The following DPH3 variants were observed in gnomAD, a reference collection of about 807,000 sequenced individuals.
DPH3 encodes diphthamide biosynthesis 3.
A neutral mutation model predicts 10.2 loss-of-function variants in DPH3; 8 were observed. The observed-to-expected ratio is 0.79, with a 90% CI of 0.46 to 1.42. The LOEUF (loss-of-function observed/expected upper bound fraction) is 1.42, where lower values mean the gene tolerates loss of function less well. DPH3 is among the 40% of genes most tolerant of loss of function. DPH3 has a pLI of 0.00. For synonymous variants in DPH3, 35 were observed against 35.6 expected (o/e 0.98, Z 0.06); for missense variants, 96 against 98.9 (o/e 0.97, Z 0.12).
In DPH3 at chr3:16,257,968, T is replaced by C. The variant is rs891718277; in HGVS notation, c.*2796A>G. 5.9e-5 allele frequency: 9 copies of C among 152,198 alleles called. No homozygotes were observed. Among genetic ancestry groups the C allele is most frequent in the African/African-American group, 2.2e-4 (9 of 41,460 alleles). The allele number at this position is 152,198 out of a possible 1,614,324, so 9.4% of individuals were successfully genotyped here. The stretch of plus-strand genomic sequence containing the variant: ...GTTGACATTTAGAAGAAAAACTACA[T>C]AAAAGCAAATGGATTTGAATTATCT... On this transcript the variant is annotated 3_prime_UTR_variant, in exon 3 of 3. Transcript: ENST00000488423.
chr3:16,264,457 C>T, intron 1 of DPH3: 1 of 552,382 alleles, frequency 1.8e-6, no homozygotes, highest in Non-Finnish European at 3.2e-6. Flanking sequence ...CCCCAAAAGC[C>T]CTGGGAAACA....
Position 16,260,847 on chromosome 3 carries a change from A to G in DPH3, c.184-18T>C. On this transcript the variant is annotated intron_variant, in intron 2 of 2. Transcript: ENST00000488423. ...AACTGATCCTAAGACAGAGTGAGAA[A>G]TGACATTAACCAATGAATTTCCGGT... The G allele has an allele frequency of 1.2e-6, 2 of 1,610,472 alleles. No homozygotes were observed. Among genetic ancestry groups the G allele is most frequent in the South Asian group, 1.1e-5 (1 of 90,672 alleles).
Position 16,257,723 on chromosome 3 carries a change from T to C in DPH3, c.*3041A>G. Among the ~76,000 whole-genome samples the C allele has an allele frequency of 6.6e-6, 1 of 152,256 alleles. No individual in the cohort carries two copies. The highest frequency in any genetic ancestry group is 1.9e-4 in the East Asian group (1 of 5,200). On this transcript the variant is annotated 3_prime_UTR_variant, in exon 3 of 3. Coordinates refer to ENST00000488423, the MANE Select transcript of DPH3 (RefSeq NM_206831.3). The stretch of plus-strand genomic sequence containing the variant: ...TTAAACAATCAGTTTTCTTTCCTTG[T>C]AATAAACTGAGTTACTCATCTAAGA...
Position 16,260,057 on chromosome 3 carries a change from G to GTCCTGACTTCCAAGA in DPH3, c.*706_*707insTCTTGGAAGTCAGGA, listed in dbSNP as rs2064282713. The GTCCTGACTTCCAAGA allele has an allele frequency of 1.3e-5, 2 of 152,072 alleles. No individual in the cohort carries two copies. Among genetic ancestry groups the GTCCTGACTTCCAAGA allele is most frequent in the Non-Finnish European group, 2.9e-5 (2 of 68,002 alleles). 9.4% of individuals were successfully genotyped at this position (152,072 alleles called of 1,614,324 possible). ...TTTTCATCTTGTCCTGACTTCCAAG[G>GTCCTGACTTCCAAGA]AATATGCAGAATATAAGAAAAGTCC... On this transcript the variant is annotated 3_prime_UTR_variant, in exon 3 of 3. Coordinates refer to ENST00000488423, the MANE Select transcript of DPH3 (RefSeq NM_206831.3).
Position 16,260,582 on chromosome 3 carries a change from C to A in DPH3, c.*182G>T. On this transcript the variant is annotated 3_prime_UTR_variant, in exon 3 of 3. Coordinates refer to ENST00000488423, the MANE Select transcript of DPH3 (RefSeq NM_206831.3). ...AATTTAAGGTTCTAAGCACAAAATC[C>A]AGATATGTCATGTTATGGACTTGCT... 1 of 496,098 alleles carries A rather than the reference C, an allele frequency of 2.0e-6. No homozygotes were observed. Among genetic ancestry groups the A allele is most frequent in the Non-Finnish European group, 3.7e-6 (1 of 272,106 alleles). The allele number at this position is 496,098 out of a possible 1,614,324, so 30.7% of individuals were successfully genotyped here.
rs1362023771 is a variant in DPH3, at chr3:16,261,528, C to G, written c.184-699G>C. Reference sequence around the variant, plus strand: ...CCTCTTTCTCAAAATGTCCTTTTATCCCCAAGAGCACTGGTAATATCTGGA... The same window carrying G: ...CCTCTTTCTCAAAATGTCCTTTTATGCCCAAGAGCACTGGTAATATCTGGA... On this transcript the variant is annotated intron_variant, in intron 2 of 2. Coordinates refer to ENST00000488423, the MANE Select transcript of DPH3 (RefSeq NM_206831.3). The surrounding 1 kb of genome is among the most constrained non-coding windows in gnomAD (Gnocchi z 7.1). Among the ~76,000 whole-genome samples, 3 of 152,174 alleles carry G rather than the reference C, an allele frequency of 2.0e-5. No individual in the cohort carries two copies. The highest frequency in any genetic ancestry group is 7.2e-5 in the African/African-American group (3 of 41,418).
rs909040957 is a variant in DPH3 at position 16,259,000 on chromosome 3, T to C, written c.*1764A>G. Reference sequence around the variant, plus strand: ...AACTTTTCTTCCTGTTCTTCTATGTTCTTAGCAAACCCACATCAAGGGTGT... The same window carrying C: ...AACTTTTCTTCCTGTTCTTCTATGTCCTTAGCAAACCCACATCAAGGGTGT... On this transcript the variant is annotated 3_prime_UTR_variant, in exon 3 of 3. Coordinates refer to ENST00000488423, the MANE Select transcript of DPH3 (RefSeq NM_206831.3). 1.3e-5 allele frequency: 2 copies of C among 152,204 alleles called. No individual in the cohort carries two copies. Among genetic ancestry groups the C allele is most frequent in the Non-Finnish European group, 2.9e-5 (2 of 68,036 alleles). 9.4% of individuals were successfully genotyped at this position (152,204 alleles called of 1,614,324 possible). A position where few individuals can be genotyped will look rare whatever the true frequency, so the allele number is the denominator to read the frequency against.
chr3:16,264,740 T>C, intron 1 of DPH3, 29 bp downstream of exon 1: 1 of 1,610,294 alleles, frequency 6.2e-7, no homozygotes, highest in East Asian at 2.2e-5. Flanking sequence ...CTTGCTTGGG[T>C]GAACCGCCGG....
At position 16,262,033 on chromosome 3, in the gene DPH3, C is replaced by G; in HGVS notation, c.184-1204G>C. ...TTCAAACTCCATGGTCAGTTATAAC[C>G]ACTCTTCTCTCACTCCTTACTATTC... On this transcript the variant is annotated intron_variant, in intron 2 of 2. Transcript: ENST00000488423. This position sits in a 1 kb window ranked among gnomAD's most constrained non-coding sequence, Gnocchi z 4.7. Among the ~76,000 whole-genome samples the G allele has an allele frequency of 6.6e-6, 1 of 152,084 alleles. No homozygotes were observed. Among genetic ancestry groups the G allele is most frequent in the East Asian group, 1.9e-4 (1 of 5,198 alleles).
At position 16,258,587 on chromosome 3, in the gene DPH3, A is replaced by G. The variant is rs2064270084; in HGVS notation, c.*2177T>C. 1 of 152,192 alleles carries G rather than the reference A, an allele frequency of 6.6e-6. No homozygotes were observed. The highest frequency in any genetic ancestry group is 1.5e-5 in the Non-Finnish European group (1 of 68,062). 9.4% of individuals were successfully genotyped at this position (152,192 alleles called of 1,614,324 possible). On this transcript the variant is annotated 3_prime_UTR_variant, in exon 3 of 3. Coordinates refer to ENST00000488423, the MANE Select transcript of DPH3 (RefSeq NM_206831.3). Reference sequence around the variant, plus strand: ...CCACAGCCTCAAACTCCTGGGCCCAAGCAATTTGCTCAAGGCCCCACACCT... The same window carrying G: ...CCACAGCCTCAAACTCCTGGGCCCAGGCAATTTGCTCAAGGCCCCACACCT...
rs2064297902 is a variant in DPH3, at chr3:16,262,380, G to A, written c.184-1551C>T. ...TAAAGCTAATGGTTAATTCTTGATT[G>A]CTTCCTATCAGTGTCACGTGACAAG... On this transcript the variant is annotated intron_variant, in intron 2 of 2. Coordinates refer to ENST00000488423, the MANE Select transcript of DPH3 (RefSeq NM_206831.3). The surrounding 1 kb of genome is among the most constrained non-coding windows in gnomAD (Gnocchi z 4.7). 6.6e-6 allele frequency among the ~76,000 whole-genome samples: 1 copy of A among 152,158 alleles called. No individual in the cohort carries two copies. The highest frequency in any genetic ancestry group is 2.4e-5 in the African/African-American group (1 of 41,438).
At chr3:16,260,888 A>G in intron 2 of DPH3, 59 bp from the exon 3 acceptor site, 2 of 1,454,852 alleles carry the variant, frequency 1.4e-6, no homozygotes, top group South Asian at 2.4e-5. Flanking sequence ...ATACATTAAT[A>G]TTAAACCTTC....
At position 16,260,697 on chromosome 3, in the gene DPH3, C is replaced by A; in HGVS notation, c.*67G>T. 7.1e-7 allele frequency: 1 copy of A among 1,413,598 alleles called. No homozygotes were observed. The highest frequency in any genetic ancestry group is 9.9e-7 in the Non-Finnish European group (1 of 1,008,584). 87.6% of individuals were successfully genotyped at this position (1,413,598 alleles called of 1,614,324 possible). A position where few individuals can be genotyped will look rare whatever the true frequency, so the allele number is the denominator to read the frequency against. On this transcript the variant is annotated 3_prime_UTR_variant, in exon 3 of 3. Coordinates refer to ENST00000488423, the MANE Select transcript of DPH3 (RefSeq NM_206831.3). ...ATGGTTGTCTCTGTGAAGCCAGTAG[C>A]TTTGCATTCGATATTTCTATCTGGG...
rs1455872498 is a variant in DPH3 at position 16,264,434 on chromosome 3, C to A, written c.109-205G>T. The A allele has an allele frequency of 1.6e-5, 9 of 546,172 alleles. No homozygotes were observed. In the Admixed American group the frequency reaches 2.3e-4, roughly 14 times the overall value. 33.8% of individuals were successfully genotyped at this position (546,172 alleles called of 1,614,324 possible). A position where few individuals can be genotyped will look rare whatever the true frequency, so the allele number is the denominator to read the frequency against. On this transcript the variant is annotated intron_variant, in intron 1 of 2. Coordinates refer to ENST00000488423, the MANE Select transcript of DPH3 (RefSeq NM_206831.3). ...AGGGGAAACACCTAGGAAGGTCAGG[C>A]GAGCTTCGGTCGCCCCAAAAGCCCT...
chr3:16,260,916 A>G, intron 2 of DPH3, 87 bp from the exon 3 acceptor site: 2 of 1,163,710 alleles, frequency 1.7e-6, no homozygotes, highest in South Asian at 1.4e-5. Context: ...TACAGCATCA[A>G]TCCAGCGCTG....
rs775003955 is a variant in DPH3, at chr3:16,264,828, C to T, written c.49G>A (p.Glu17Lys). The T allele has an allele frequency of 6.8e-6, 11 of 1,614,088 alleles. No homozygotes were observed. The highest frequency in any genetic ancestry group is 2.2e-5 in the South Asian group (2 of 91,086). ...EVEIEDFQYDEDSETYFYPCP... is the reference protein window; with the variant it reads ...EVEIEDFQYDKDSETYFYPCP... ...GGATAGAAATACGTCTCCGAGTCCT[C>T]GTCATATTGGAAGTCCTCGATTTCC... is the stretch of plus-strand genomic sequence containing the variant. The change falls in exon 1 of 3, where the codon GAG (glutamate) becomes AAG (lysine). Residue 17 changes from glutamate (E) to lysine (K), a missense_variant. Transcript: ENST00000488423.
Position 16,264,203 on chromosome 3 carries a change from C to T in DPH3, c.135G>A (p.Val45=), listed in dbSNP as rs750414260. 1.2e-6 allele frequency: 2 copies of T among 1,610,606 alleles called. No homozygotes were observed. Among genetic ancestry groups the T allele is most frequent in the Middle Eastern group, 1.7e-4 (1 of 6,044 alleles). ...TKEDLENGED[V]ATCPSCSLII... ...TGAGAGAGCAGCTAGGACACGTTGCCACGTCTTCCCCATTCTCCAAATCTT... is the reference window on the plus strand; with the variant it reads ...TGAGAGAGCAGCTAGGACACGTTGCTACGTCTTCCCCATTCTCCAAATCTT... Residue 45 remains valine (V), a synonymous_variant, in exon 2 of 3, where the codon GTG becomes GTA. Coordinates refer to ENST00000488423, the MANE Select transcript of DPH3 (RefSeq NM_206831.3).
chr3:16,261,875 C>T lies in DPH3; in HGVS notation c.184-1046G>A, dbSNP rs547303447. Among the ~76,000 whole-genome samples, 3 of 152,182 alleles carry T rather than the reference C, an allele frequency of 2.0e-5. No individual in the cohort carries two copies. Among genetic ancestry groups the T allele is most frequent in the East Asian group, 1.9e-4 (1 of 5,176 alleles). On this transcript the variant is annotated intron_variant, in intron 2 of 2. Transcript: ENST00000488423. This position sits in a 1 kb window ranked among gnomAD's most constrained non-coding sequence, Gnocchi z 7.1. ...TTAGAATCTTATGTCTTGAGACTAC[C>T]GCCTTGCTATTCTTCTCTGTTGCTG...
In DPH3 at chr3:16,262,810, CCA is replaced by C. The variant is rs1444628997; in HGVS notation, c.183+1343_183+1344del. On this transcript the variant is annotated intron_variant, in intron 2 of 2. Coordinates refer to ENST00000488423, the MANE Select transcript of DPH3 (RefSeq NM_206831.3). The surrounding 1 kb of genome is among the most constrained non-coding windows in gnomAD (Gnocchi z 4.7). ...CTCAATTGACAGTAACTCCATCCTC[CCA>C]GTTATTAAGGTCACAAATATTGAAA... Among the ~76,000 whole-genome samples the C allele has an allele frequency of 1.3e-5, 2 of 152,138 alleles. No individual in the cohort carries two copies. Among genetic ancestry groups the C allele is most frequent in the Non-Finnish European group, 2.9e-5 (2 of 68,024 alleles).
Sources: allele counts gnomAD v4.1 joint callset (sites outside exome capture counted in the v4.1 genomes callset), GRCh38; gene constraint gnomAD v4.1.1; non-coding constraint Gnocchi (gnomAD v3.1); transcripts MANE v1.5; gene names NCBI Gene and HGNC (gene_info 2026-07-23, HGNC 2026-07-21).